Variants in COL21A1 observed in about 807,000 individuals in gnomAD.
COL21A1 encodes collagen alpha-1(XXI) chain.
In COL21A1, 149 loss-of-function variants were observed where a neutral mutation model predicts 137.9. That is an observed-to-expected ratio of 1.08 (90% CI 0.95 to 1.24). The LOEUF (loss-of-function observed/expected upper bound fraction) is 1.24. Ranked by LOEUF, COL21A1 falls within the 50% of genes most tolerant of loss-of-function variation. The pLI, the probability that COL21A1 is intolerant of heterozygous loss-of-function variation, is 0.00. For synonymous variants in COL21A1, 456 were observed against 391.5 expected (o/e 1.16, Z -1.95); for missense variants, 1,167 against 1,158.4 (o/e 1.01, Z -0.11).
chr6:56,201,342 C>A (rs1031672933), intron 1 of COL21A1, among the ~76,000 whole-genome samples: 1 of 152,162 alleles, frequency 6.6e-6, no homozygotes, highest in African/African-American at 2.4e-5. Context: ...GCTTTTGTTG[C>A]CATTGCTTTT....
chr6:56,336,468 A>C (rs898039695), intron 1 of COL21A1, among the ~76,000 whole-genome samples: 1 of 152,248 alleles, frequency 6.6e-6, no homozygotes. Flanking sequence ...ACAGATTATA[A>C]GAAAATATTC....
At chr6:56,120,531 C>G (rs4715578) in intron 16 of COL21A1, among the ~76,000 whole-genome samples, 63,953 of 152,064 alleles carry the variant, frequency 0.42, 15,575 homozygotes, top group East Asian at 0.74. Context: ...CGCAGTGGCT[C>G]ATGCCTGTAA....
chr6:56,138,713 C>A (rs1263237765), intron 12 of COL21A1, among the ~76,000 whole-genome samples: 2 of 151,988 alleles, frequency 1.3e-5, no homozygotes, highest in East Asian at 3.9e-4. Context: ...GGAAGTCCTA[C>A]TAGAGTGGGT....
At chr6:56,093,463 C>T (rs983065782) in intron 17 of COL21A1, among the ~76,000 whole-genome samples, 1 of 151,984 alleles carries the variant, frequency 6.6e-6, no homozygotes, top group Admixed American at 6.6e-5. Context: ...ATCTATTTCC[C>T]GATTACGATG....
chr6:56,282,785 A>G (rs1025566649), intron 1 of COL21A1, among the ~76,000 whole-genome samples: 13 of 152,358 alleles, frequency 8.5e-5, no homozygotes, highest in African/African-American at 3.1e-4. Context: ...TGGATGATAG[A>G]TTTGTCCCCC....
At chr6:56,267,831 G>A (rs932361933) in intron 1 of COL21A1, among the ~76,000 whole-genome samples, 31 of 151,642 alleles carry the variant, frequency 2.0e-4, no homozygotes, top group Admixed American at 3.9e-4. Flanking sequence ...TTGCAGGGAG[G>A]GGATAAGATG....
chr6:56,082,675 T>C (rs949937730), intron 17 of COL21A1, among the ~76,000 whole-genome samples: 2 of 151,814 alleles, frequency 1.3e-5, no homozygotes, highest in African/African-American at 4.8e-5. Context: ...TTGAATTTTA[T>C]ATATAATAGA....
At chr6:56,269,582 G>A (rs567953022) in intron 1 of COL21A1, among the ~76,000 whole-genome samples, 273 of 149,006 alleles carry the variant, frequency 1.8e-3, no homozygotes, top group African/African-American at 6.5e-3. Flanking sequence ...GTGAACCTGG[G>A]AGGCAGAGCT....
intron 1 of COL21A1, among the ~76,000 whole-genome samples, chr6:56,313,845 C>T (rs1050800782): frequency 6.6e-6 from 1 of 152,136 alleles, no homozygotes; most frequent in African/African-American, 2.4e-5. Context: ...GCCTAGTGAC[C>T]TATTATTTGA....
intron 1 of COL21A1, among the ~76,000 whole-genome samples, chr6:56,198,908 T>G (rs1409523754): frequency 6.6e-6 from 1 of 152,120 alleles, no homozygotes; most frequent in Non-Finnish European, 1.5e-5. Flanking sequence ...AGAATGACAT[T>G]ACTAATTAAA....
At chr6:56,314,263 G>A (rs554117615) in intron 1 of COL21A1, among the ~76,000 whole-genome samples, 7 of 152,234 alleles carry the variant, frequency 4.6e-5, no homozygotes, top group South Asian at 2.1e-4. Flanking sequence ...GATTACAGGC[G>A]TGAGCCACCG....
intron 16 of COL21A1, among the ~76,000 whole-genome samples, chr6:56,121,205 G>C (rs575931266): frequency 2.8e-4 from 42 of 152,068 alleles, no homozygotes; most frequent in Non-Finnish European, 5.0e-4. Context: ...GGTTACAGAG[G>C]CTGGGGAGGG....
intron 1 of COL21A1, among the ~76,000 whole-genome samples, chr6:56,226,145 AT>A (rs2152315247): frequency 6.6e-6 from 1 of 152,188 alleles, no homozygotes; most frequent in African/African-American, 2.4e-5. Context: ...AATGTTACCA[AT>A]TGTTAATTCA....
Position 56,070,888 on chromosome 6 carries a change from T to C in COL21A1, c.1966-90A>G, listed in dbSNP as rs570931607. ...GACACTTAAGGGAATATATGTAAAA[T>C]AACTTTTACATTTTTAACTTTCCGA... On this transcript the variant is annotated intron_variant, in intron 20 of 29. Transcript: ENST00000244728. 130 of 985,630 alleles carry C rather than the reference T, an allele frequency of 1.3e-4. No homozygotes were observed. The Middle Eastern group carries it at 1.4e-3, about 11-fold the overall frequency. The allele number at this position is 985,630 out of a possible 1,614,324, so 61.1% of individuals were successfully genotyped here. A position where few individuals can be genotyped will look rare whatever the true frequency, so the allele number is the denominator to read the frequency against.
upstream of COL21A1, among the ~76,000 whole-genome samples, chr6:56,251,832 C>G (rs904951714): frequency 6.6e-6 from 1 of 152,146 alleles, no homozygotes; most frequent in Admixed American, 6.5e-5. Context: ...TCACTTTTTC[C>G]TCTAGCAGTC....
chr6:56,060,175 A>G lies in COL21A1; in HGVS notation c.2451T>C (p.Cys817=). The G allele has an allele frequency of 1.9e-6, 3 of 1,608,938 alleles. No homozygotes were observed. Among genetic ancestry groups the G allele is most frequent in the Non-Finnish European group, 2.5e-6 (3 of 1,178,478 alleles). The change falls in exon 28 of 30, where the codon TGT becomes TGC. Residue 817 remains cysteine (C), a synonymous_variant. Coordinates refer to ENST00000244728, the MANE Select transcript of COL21A1 (RefSeq NM_030820.4). The part of the protein sequence containing the change: ...VLLQSGRIRN[C]DHCLSQHGSP... ...AGCCATGTTGGGACAGGCAATGATC[A>G]CAATTTCTAATTCTTCCACTCTGAA...
chr6:56,307,469 A>G (rs916723631), intron 1 of COL21A1, among the ~76,000 whole-genome samples: 6 of 152,190 alleles, frequency 3.9e-5, no homozygotes, highest in African/African-American at 1.4e-4. Context: ...GTTTGATCTC[A>G]GACTGCTGTG....
chr6:56,314,280 G>A (rs1764680847), intron 1 of COL21A1, among the ~76,000 whole-genome samples: 1 of 152,162 alleles, frequency 6.6e-6, no homozygotes, highest in South Asian at 2.1e-4. Context: ...ACCGCACCTG[G>A]CCAGAAGGTA....
At chr6:56,128,846 G>C (rs1000765357) in intron 12 of COL21A1, among the ~76,000 whole-genome samples, 1 of 152,054 alleles carries the variant, frequency 6.6e-6, no homozygotes, top group Non-Finnish European at 1.5e-5. Flanking sequence ...GTAGAGACAG[G>C]GTTTCACCCT....
Sources: gnomAD v4.1 joint callset for allele counts (sites outside exome capture counted in the v4.1 genomes callset) on GRCh38, gnomAD v4.1.1 for gene constraint, MANE v1.5 for transcripts, NCBI Gene and HGNC (gene_info 2026-07-23, HGNC 2026-07-21) for gene names.